Variants in LPP observed in about 807,000 individuals in gnomAD.
LPP encodes LIM domain containing preferred translocation partner in lipoma.
A neutral mutation model predicts 60.4 loss-of-function variants in LPP; 38 were observed. The ratio of observed to expected loss-of-function variants is 0.63; its 90% CI spans 0.49 to 0.83. LPP has a LOEUF of 0.83. Ranked by LOEUF, LPP falls within the 40% of genes least tolerant of loss-of-function variation. The pLI is 0.00. For synonymous variants in LPP, 328 were observed against 290.8 expected, an observed-to-expected ratio of 1.13 and a Z score of -1.30; for missense variants, 902 against 783.6, an observed-to-expected ratio of 1.15 and a Z score of -1.80.
At chr3:188,203,443 A>T (rs1401956814) in intron 1 of LPP, among the ~76,000 whole-genome samples, 1 of 91,886 alleles carries the variant, frequency 1.1e-5, no homozygotes, top group Non-Finnish European at 1.9e-5. Context: ...ATATATATTT[A>T]TATAAATATA....
intron 6 of LPP, among the ~76,000 whole-genome samples, chr3:188,581,193 C>CA (rs1390948376): frequency 2.0e-5 from 3 of 151,548 alleles, no homozygotes; most frequent in Admixed American, 1.3e-4. Context: ...TACCTCAGGG[C>CA]AAAAAAAGTC....
At chr3:188,252,398 A>G (rs1469813701) in intron 2 of LPP, among the ~76,000 whole-genome samples, 4 of 128,592 alleles carry the variant, frequency 3.1e-5, no homozygotes, top group Non-Finnish European at 6.4e-5. Context: ...CCAATTTCCT[A>G]TGCTTGGACA....
intron 3 of LPP, among the ~76,000 whole-genome samples, chr3:188,353,430 A>G (rs1766546896): frequency 6.6e-6 from 1 of 152,170 alleles, no homozygotes. Context: ...AAGAATTCTT[A>G]TGTGTGATTA....
intron 2 of LPP, among the ~76,000 whole-genome samples, chr3:188,316,565 A>G (rs1369233205): frequency 6.6e-6 from 1 of 152,324 alleles, no homozygotes; most frequent in South Asian, 2.1e-4. Flanking sequence ...ACTTTAGGCT[A>G]AATTTTGCAC....
chr3:188,579,020 G>A (rs999732766), intron 6 of LPP, among the ~76,000 whole-genome samples: 12 of 151,946 alleles, frequency 7.9e-5, no homozygotes, highest in Admixed American at 4.6e-4. Flanking sequence ...GGTAGTCATT[G>A]ATCACTTACC....
At chr3:188,782,289 T>C (rs1374672085) in intron 9 of LPP, among the ~76,000 whole-genome samples, 1 of 152,198 alleles carries the variant, frequency 6.6e-6, no homozygotes, top group Non-Finnish European at 1.5e-5. Flanking sequence ...TCCTTGCCAC[T>C]TGTCTCAGGC....
chr3:188,503,780 T>C (rs930293428), intron 5 of LPP, among the ~76,000 whole-genome samples: 1 of 152,188 alleles, frequency 6.6e-6, no homozygotes, highest in Non-Finnish European at 1.5e-5. Context: ...TTCTGGCATC[T>C]AAGGCTGCTG....
intron 2 of LPP, among the ~76,000 whole-genome samples, chr3:188,301,989 A>C (rs1750026764): frequency 6.6e-6 from 1 of 151,326 alleles, no homozygotes; most frequent in South Asian, 2.1e-4. Context: ...AGAAAAAAAA[A>C]ACAACAACCC....
chr3:188,578,554 G>T (rs1835304700), intron 6 of LPP, among the ~76,000 whole-genome samples: 1 of 151,674 alleles, frequency 6.6e-6, no homozygotes, highest in Non-Finnish European at 1.5e-5. Context: ...GTTTTTTTGT[G>T]TGTCTTACTT....
intron 5 of LPP, among the ~76,000 whole-genome samples, chr3:188,501,077 C>T (rs1476509257): frequency 6.6e-6 from 1 of 151,892 alleles, no homozygotes; most frequent in Non-Finnish European, 1.5e-5. Context: ...TATTTCTTCC[C>T]TTCTGGTAGA....
chr3:188,281,838 T>C (rs1433171832), intron 2 of LPP, among the ~76,000 whole-genome samples: 2 of 152,208 alleles, frequency 1.3e-5, no homozygotes, highest in Non-Finnish European at 2.9e-5. Context: ...TCAACAGTTA[T>C]TTGTATAAAA....
At chr3:188,565,937 G>GGT (rs1832030374) in intron 6 of LPP, among the ~76,000 whole-genome samples, 1 of 151,934 alleles carries the variant, frequency 6.6e-6, no homozygotes, top group East Asian at 1.9e-4. Flanking sequence ...CGTAAAGAGA[G>GGT]GTGTGGGTAG....
At chr3:188,423,884 T>TC in intron 4 of LPP, among the ~76,000 whole-genome samples, 1 of 152,230 alleles carries the variant, frequency 6.6e-6, no homozygotes, top group Middle Eastern at 3.4e-3. Flanking sequence ...TTGCACGCTT[T>TC]TTTTTCCCAT....
Position 188,800,175 on chromosome 3 carries a change from C to CTTTT in LPP, c.1410+39906_1410+39909dup, listed in dbSNP as rs35258838. ...TACTGATTAGTATTTAACATTGTTT[C>CTTTT]TTTTTTTTTTTTTTTTGCCATTAAA... On this transcript the variant is annotated intron_variant, in intron 9 of 11. Coordinates refer to ENST00000617246, the MANE Select transcript of LPP (RefSeq NM_001375462.1). Among the ~76,000 whole-genome samples, 304 of 115,718 alleles carry CTTTT rather than the reference C, an allele frequency of 2.6e-3. 2 individuals carry two copies. Among genetic ancestry groups the CTTTT allele is most frequent in the Non-Finnish European group, 3.2e-3 (168 of 53,024 alleles). The allele number at this position is 115,718 out of a possible 152,430, so 75.9% of individuals were successfully genotyped here.
intron 1 of LPP, among the ~76,000 whole-genome samples, chr3:188,165,725 T>C (rs1251175402): frequency 6.6e-6 from 1 of 152,090 alleles, no homozygotes; most frequent in East Asian, 1.9e-4. Flanking sequence ...CCCAGGCAAA[T>C]GATAAAGCAA....
Position 188,503,502 on chromosome 3 carries a change from T to A in LPP, c.306+18798T>A, listed in dbSNP as rs528630249. On this transcript the variant is annotated intron_variant, in intron 5 of 11. Transcript: ENST00000617246. ...ATGTTAGCTCTTATAAGCGTCTGCC[T>A]ATTTGCCTTTTCTGACATCTGTATT... Among the ~76,000 whole-genome samples, 27 of 152,304 alleles carry A rather than the reference T, an allele frequency of 1.8e-4. No individual in the cohort carries two copies. In the East Asian group the frequency reaches 5.2e-3, roughly 29 times the overall value.
At chr3:188,406,065 C>A in intron 3 of LPP, 47 bp from the exon 4 acceptor site, 1 of 1,514,984 alleles carries the variant, frequency 6.6e-7, no homozygotes, top group South Asian at 1.2e-5. Context: ...GGAGTATTGT[C>A]TTCGTTTTCA....
chr3:188,791,373 C>G (rs1743685812), intron 9 of LPP, among the ~76,000 whole-genome samples: 1 of 152,178 alleles, frequency 6.6e-6, no homozygotes. Context: ...ATGAGTCCCT[C>G]TTCCCAATGC....
At chr3:188,203,456 TA>T in intron 1 of LPP, among the ~76,000 whole-genome samples, 1 of 91,522 alleles carries the variant, frequency 1.1e-5, no homozygotes, top group Non-Finnish European at 1.9e-5. Context: ...TAAATATATA[TA>T]AATATATATA....
Sources: allele counts gnomAD v4.1 joint callset (sites outside exome capture counted in the v4.1 genomes callset), GRCh38; gene constraint gnomAD v4.1.1; transcripts MANE v1.5; gene names NCBI Gene and HGNC (gene_info 2026-07-23, HGNC 2026-07-21).